The following BORCS5 variants were observed in gnomAD, a reference collection of about 807,000 sequenced individuals.
BORCS5 encodes the protein BLOC-1 related complex subunit 5.
A neutral mutation model predicts 22.1 loss-of-function variants in BORCS5; 17 were observed. The observed-to-expected ratio is 0.77, with a 90% CI of 0.53 to 1.15. BORCS5 has a LOEUF of 1.15. BORCS5 is among the 50% of genes most tolerant of loss of function. The pLI, the probability that BORCS5 is intolerant of heterozygous loss-of-function variation, is 0.00. For missense variants in BORCS5, 247 were observed against 253.2 expected (o/e 0.98, Z 0.17); for synonymous variants, 117 against 99.8 (o/e 1.17, Z -1.03).
At chr12:12,457,963 A>G (rs148523740) in intron 3 of BORCS5, among the ~76,000 whole-genome samples, 1 of 152,296 alleles carries the variant, frequency 6.6e-6, no homozygotes, top group Non-Finnish European at 1.5e-5. Context: ...GAGACAAAGG[A>G]TAGGATTCGG....
intron 3 of BORCS5, among the ~76,000 whole-genome samples, chr12:12,438,385 A>AAAAAACAC (rs1555156048): frequency 1.4e-4 from 18 of 126,132 alleles, no homozygotes; most frequent in African/African-American, 5.6e-4. Context: ...AAAAAACGAA[A>AAAAAACAC]AACAACAACA....
intron 3 of BORCS5, among the ~76,000 whole-genome samples, chr12:12,447,743 T>A (rs1942819332): frequency 6.6e-6 from 1 of 152,218 alleles, no homozygotes; most frequent in South Asian, 2.1e-4. Flanking sequence ...ACGAGGGAAT[T>A]ACAGAGCACA....
At chr12:12,409,618 C>T in intron 2 of BORCS5, among the ~76,000 whole-genome samples, 1 of 151,984 alleles carries the variant, frequency 6.6e-6, no homozygotes, top group Admixed American at 6.6e-5. Flanking sequence ...TTTTCTTAAT[C>T]CAGTCTATCA....
chr12:12,450,818 C>A (rs1942894047), intron 3 of BORCS5, among the ~76,000 whole-genome samples: 1 of 152,188 alleles, frequency 6.6e-6, no homozygotes, highest in Non-Finnish European at 1.5e-5. Flanking sequence ...GAGAGGGACA[C>A]TTTCCCTATG....
At chr12:12,406,985 G>A (rs527317657) in intron 2 of BORCS5, among the ~76,000 whole-genome samples, 1 of 152,262 alleles carries the variant, frequency 6.6e-6, no homozygotes, top group South Asian at 2.1e-4. Flanking sequence ...AGTGTGGGGG[G>A]CACCCAAGTG....
intron 3 of BORCS5, among the ~76,000 whole-genome samples, chr12:12,440,294 A>G (rs888318168): frequency 1.3e-5 from 2 of 152,226 alleles, no homozygotes; most frequent in South Asian, 4.1e-4. Flanking sequence ...TTTACTTTGC[A>G]ATCAGGGAGT....
At chr12:12,448,527 C>CTTT (rs34937700) in intron 3 of BORCS5, among the ~76,000 whole-genome samples, 3 of 142,434 alleles carry the variant, frequency 2.1e-5, no homozygotes, top group Non-Finnish European at 3.1e-5. Context: ...GTCTTCAATT[C>CTTT]TTTTTTTTTT....
At position 12,439,290 on chromosome 12, in the gene BORCS5, A is replaced by G. The variant is rs571596826; in HGVS notation, c.360+3505A>G. The stretch of plus-strand genomic sequence containing the variant: ...TGAAGGTGCTCTAGGTGATTCTAGT[A>G]TGTAACCAGGGGAGAACCAGTGTTT... On this transcript the variant is annotated intron_variant, in intron 3 of 3. Transcript: ENST00000314565. Among the ~76,000 whole-genome samples the G allele has an allele frequency of 1.0e-3, 156 of 152,246 alleles. 1 individual carries two copies. The highest frequency in any genetic ancestry group is 3.6e-3 in the African/African-American group (149 of 41,540).
At chr12:12,425,735 A>T (rs1406565640) in intron 2 of BORCS5, among the ~76,000 whole-genome samples, 1 of 152,150 alleles carries the variant, frequency 6.6e-6, no homozygotes, top group Non-Finnish European at 1.5e-5. Flanking sequence ...CTTCCTTATA[A>T]ATAACTCCTG....
In BORCS5 at chr12:12,470,482, A is replaced by G. The variant is rs1943276763; in HGVS notation, c.*4706A>G. Among the ~76,000 whole-genome samples the G allele has an allele frequency of 6.6e-6, 1 of 152,144 alleles. No individual in the cohort carries two copies. Among genetic ancestry groups the G allele is most frequent in the African/African-American group, 2.4e-5 (1 of 41,424 alleles). On this transcript the variant is annotated 3_prime_UTR_variant, in exon 4 of 4. Coordinates refer to ENST00000314565, the MANE Select transcript of BORCS5 (RefSeq NM_058169.6). ...CCTAAGAGCGTGAACCCTATTGTGAACTGCGCACGTGAAGGATCTAGGTTT... is the reference window on the plus strand; with the variant it reads ...CCTAAGAGCGTGAACCCTATTGTGAGCTGCGCACGTGAAGGATCTAGGTTT...
intron 2 of BORCS5, among the ~76,000 whole-genome samples, chr12:12,375,600 CAG>C (rs1204925177): frequency 6.6e-6 from 1 of 152,104 alleles, no homozygotes; most frequent in Non-Finnish European, 1.5e-5. Context: ...GCATGGGCAA[CAG>C]AGTGAGACCC....
intron 2 of BORCS5, among the ~76,000 whole-genome samples, chr12:12,370,124 A>T (rs1701036155): frequency 7.3e-6 from 1 of 136,928 alleles, no homozygotes; most frequent in South Asian, 2.1e-4. Flanking sequence ...ACACACACAC[A>T]CACACACACA....
chr12:12,359,364 C>CTT (rs35732827), intron 1 of BORCS5, among the ~76,000 whole-genome samples: 20 of 115,906 alleles, frequency 1.7e-4, no homozygotes, highest in South Asian at 5.8e-4. Flanking sequence ...AGACTTGACT[C>CTT]TTTTTTTTTT....
chr12:12,382,655 C>A (rs989600362), intron 2 of BORCS5, among the ~76,000 whole-genome samples: 1 of 150,592 alleles, frequency 6.6e-6, no homozygotes, highest in Non-Finnish European at 1.5e-5. Flanking sequence ...GCCTCAGCCT[C>A]CCAAGTAGCT....
chr12:12,419,236 G>A lies in BORCS5; in HGVS notation c.203-16392G>A, dbSNP rs376374568. On this transcript the variant is annotated intron_variant, in intron 2 of 3. Transcript: ENST00000314565. ...CAGGCCCCGGTGTATGATGTTCCCC[G>A]CCCTGTGTCCAAGTGATCTCATTGT... Among the ~76,000 whole-genome samples, 17 of 152,140 alleles carry A rather than the reference G, an allele frequency of 1.1e-4. No homozygotes were observed. The East Asian group carries it at 3.1e-3, about 28-fold the overall frequency.
chr12:12,437,315 T>A (rs1031286452), intron 3 of BORCS5, among the ~76,000 whole-genome samples: 5 of 152,370 alleles, frequency 3.3e-5, no homozygotes, highest in African/African-American at 1.2e-4. Flanking sequence ...TCATTCACTT[T>A]TAGCTGTGAT....
At chr12:12,410,108 T>C in intron 2 of BORCS5, among the ~76,000 whole-genome samples, 1 of 152,226 alleles carries the variant, frequency 6.6e-6, no homozygotes, top group Non-Finnish European at 1.5e-5. Flanking sequence ...TTGAGTTCAT[T>C]GTAGATTCTG....
chr12:12,407,307 C>G (rs756741406), intron 2 of BORCS5, among the ~76,000 whole-genome samples: 8 of 152,012 alleles, frequency 5.3e-5, no homozygotes, highest in Non-Finnish European at 8.8e-5. Context: ...GTTCAATTCT[C>G]TCCATTTTCA....
intron 2 of BORCS5, among the ~76,000 whole-genome samples, chr12:12,366,938 G>A (rs999978347): frequency 1.3e-5 from 2 of 152,202 alleles, no homozygotes; most frequent in African/African-American, 4.8e-5. Context: ...GGAAGGGGCT[G>A]TTTTTGTTAA....
Sources: gnomAD v4.1 joint callset for allele counts (sites outside exome capture counted in the v4.1 genomes callset) on GRCh38, gnomAD v4.1.1 for gene constraint, MANE v1.5 for transcripts, NCBI Gene and HGNC (gene_info 2026-07-23, HGNC 2026-07-21) for gene names.